Variants in FAM20B observed in about 807,000 individuals in gnomAD.
The protein encoded by FAM20B is FAM20B glycosaminoglycan xylosylkinase.
Under a neutral mutation model 43.8 loss-of-function variants are expected in FAM20B, and 23 were observed. The ratio of observed to expected loss-of-function variants is 0.53; its 90% CI spans 0.38 to 0.74. The LOEUF (loss-of-function observed/expected upper bound fraction) is 0.74, where lower values mean the gene tolerates loss of function less well. Among genes scored for constraint, FAM20B ranks in the 30% least tolerant of loss-of-function variants. FAM20B has a pLI of 0.00. For missense variants in FAM20B, 440 were observed against 510.5 expected, an observed-to-expected ratio of 0.86 and a Z score of 1.33; for synonymous variants, 178 against 192.4, an observed-to-expected ratio of 0.93 and a Z score of 0.62.
intron 1 of FAM20B, among the ~76,000 whole-genome samples, chr1:179,027,882 TATC>T (rs1289685628): frequency 1.3e-5 from 2 of 152,324 alleles, no homozygotes; most frequent in Non-Finnish European, 1.5e-5. Context: ...TCACTGCTTC[TATC>T]ATCTTTATTT....
At chr1:179,066,542 G>A (rs1410211450) in intron 6 of FAM20B, among the ~76,000 whole-genome samples, 1 of 152,126 alleles carries the variant, frequency 6.6e-6, no homozygotes, top group Non-Finnish European at 1.5e-5. Context: ...TTATGCTCCA[G>A]CACCTTGTGA....
chr1:179,056,018 G>A (rs1396671074), intron 4 of FAM20B, among the ~76,000 whole-genome samples: 1 of 152,154 alleles, frequency 6.6e-6, no homozygotes, highest in African/African-American at 2.4e-5. Context: ...AAACTGAGAG[G>A]AAGGTACAGA....
At chr1:179,057,072 C>T (rs576355912) in intron 4 of FAM20B, among the ~76,000 whole-genome samples, 17 of 152,222 alleles carry the variant, frequency 1.1e-4, no homozygotes, top group African/African-American at 3.1e-4. Context: ...CAGCTGGACA[C>T]GGTGGCTCAT....
intron 1 of FAM20B, among the ~76,000 whole-genome samples, chr1:179,033,449 A>G (rs1650089801): frequency 6.6e-6 from 1 of 152,242 alleles, no homozygotes; most frequent in African/African-American, 2.4e-5. Context: ...ATTTACAAAT[A>G]TGACCTAACA....
chr1:179,060,861 C>G (rs548836086), intron 4 of FAM20B, among the ~76,000 whole-genome samples: 1 of 152,176 alleles, frequency 6.6e-6, no homozygotes, highest in Non-Finnish European at 1.5e-5. Context: ...GTGACTCTTT[C>G]TGCTAGCTTC....
rs1373845400 is a variant in FAM20B at position 179,054,692 on chromosome 1, G to T, written c.574+54G>T. 4.3e-6 allele frequency: 5 copies of T among 1,151,128 alleles called. No individual in the cohort carries two copies. The East Asian group carries it at 1.2e-4, about 28-fold the overall frequency. The allele number at this position is 1,151,128 out of a possible 1,614,324, so 71.3% of individuals were successfully genotyped here. ...AGGGGAATGATTAATAAGTTAAAATGGGGCATTGTTGAGCAAGCTGGCTCA... is the reference window on the plus strand; with the variant it reads ...AGGGGAATGATTAATAAGTTAAAATTGGGCATTGTTGAGCAAGCTGGCTCA... On this transcript the variant is annotated intron_variant, in intron 4 of 7. Coordinates refer to ENST00000263733, the MANE Select transcript of FAM20B (RefSeq NM_014864.4).
intron 3 of FAM20B, among the ~76,000 whole-genome samples, chr1:179,053,495 A>G (rs10913681): frequency 0.46 from 70,512 of 151,734 alleles, 16,817 homozygotes; most frequent in African/African-American, 0.55. Flanking sequence ...ACCCTTCCCA[A>G]CCTTTTCCAT....
At chr1:179,042,793 C>CG (rs1384718145) in intron 1 of FAM20B, among the ~76,000 whole-genome samples, 2 of 152,094 alleles carry the variant, frequency 1.3e-5, no homozygotes, top group East Asian at 3.9e-4. Flanking sequence ...AGAGGAGACC[C>CG]ACAGTGGGTA....
Position 179,043,925 on chromosome 1 carries a change from CAACTT to C in FAM20B, c.80_84del (p.Asn27ArgfsTer51). Reference sequence around the variant, plus strand: ...TCTTCACCAAAGTTTTCCTGATTGACAACTTAGATACATCAGCTGCCAACCGGGAG... The same window carrying C: ...TCTTCACCAAAGTTTTCCTGATTGACAGATACATCAGCTGCCAACCGGGAG... On this transcript the variant is annotated frameshift_variant, in exon 2 of 8. Transcript: ENST00000263733. LOFTEE classifies it high-confidence loss of function. 3 of 1,612,936 alleles carry C rather than the reference CAACTT, an allele frequency of 1.9e-6. No individual in the cohort carries two copies. The highest frequency in any genetic ancestry group is 8.5e-7 in the Non-Finnish European group (1 of 1,178,986).
intron 4 of FAM20B, among the ~76,000 whole-genome samples, chr1:179,056,970 T>G (rs1187489871): frequency 1.3e-5 from 2 of 152,150 alleles, no homozygotes; most frequent in East Asian, 3.8e-4. Flanking sequence ...TTAAGTTAGG[T>G]TGGTTGTTTT....
intron 4 of FAM20B, among the ~76,000 whole-genome samples, chr1:179,054,997 A>G (rs1651149683): frequency 6.6e-6 from 1 of 152,254 alleles, no homozygotes; most frequent in Non-Finnish European, 1.5e-5. Context: ...TTGTTTTTAC[A>G]TATATAATAT....
At chr1:179,027,661 C>T (rs1649841756) in intron 1 of FAM20B, among the ~76,000 whole-genome samples, 1 of 152,166 alleles carries the variant, frequency 6.6e-6, no homozygotes, top group Non-Finnish European at 1.5e-5. Flanking sequence ...TGATAAAGTG[C>T]AGTGATAAAT....
intron 1 of FAM20B, among the ~76,000 whole-genome samples, chr1:179,037,798 T>C (rs923032578): frequency 6.6e-6 from 1 of 152,146 alleles, no homozygotes; most frequent in East Asian, 1.9e-4. Context: ...GTTCCCTTAA[T>C]GTAAATTTCT....
chr1:179,019,467 C>CTTT, the FAM20B span, among the ~76,000 whole-genome samples: 62 of 141,976 alleles, frequency 4.4e-4, no homozygotes, highest in African/African-American at 1.4e-3. Context: ...TTGTTTGTTT[C>CTTT]TTTTTTTTTT....
chr1:179,019,535 T>A, the FAM20B span, among the ~76,000 whole-genome samples: 3 of 151,682 alleles, frequency 2.0e-5, no homozygotes, highest in African/African-American at 7.3e-5. Flanking sequence ...CGATCTTGGC[T>A]CACCGCAACC....
At chr1:179,070,266 G>A (rs777353732) in intron 7 of FAM20B, among the ~76,000 whole-genome samples, 56 of 151,882 alleles carry the variant, frequency 3.7e-4, no homozygotes, top group Non-Finnish European at 7.1e-4. Context: ...GGCTGGTCTC[G>A]AACTCCTGAC....
At chr1:179,030,082 G>T (rs903238373) in intron 1 of FAM20B, among the ~76,000 whole-genome samples, 4 of 152,142 alleles carry the variant, frequency 2.6e-5, no homozygotes, top group Admixed American at 2.0e-4. Context: ...TAAATTTGCA[G>T]CTTCTTATCT....
rs1158058694 is a variant in FAM20B at position 179,074,114 on chromosome 1, A to T, written c.*1970A>T. The T allele has an allele frequency of 6.5e-6, 1 of 152,682 alleles. No homozygotes were observed. The highest frequency in any genetic ancestry group is 2.4e-5 in the African/African-American group (1 of 41,470). 9.5% of individuals were successfully genotyped at this position (152,682 alleles called of 1,614,324 possible). A position where few individuals can be genotyped will look rare whatever the true frequency, so the allele number is the denominator to read the frequency against. ...GAAAGATAACTGAGTAATAACCTGT[A>T]ACTATTTTTAAATGGCATGAAATTA... On this transcript the variant is annotated 3_prime_UTR_variant, in exon 8 of 8. Transcript: ENST00000263733.
At chr1:179,047,205 A>C (rs1278177593) in intron 2 of FAM20B, among the ~76,000 whole-genome samples, 1 of 152,164 alleles carries the variant, frequency 6.6e-6, no homozygotes, top group Non-Finnish European at 1.5e-5. Flanking sequence ...GTAGTAACAG[A>C]TAATGCATAA....
Sources: allele counts gnomAD v4.1 joint callset (sites outside exome capture counted in the v4.1 genomes callset), GRCh38; gene constraint gnomAD v4.1.1; transcripts MANE v1.5; gene names NCBI Gene and HGNC (gene_info 2026-07-23, HGNC 2026-07-21).